ASAP2: variants seen among roughly 807,000 people sequenced by gnomAD.
ASAP2 encodes the protein arf-GAP with SH3 domain, ANK repeat and PH domain-containing protein 2.
In ASAP2, 45 loss-of-function variants were observed where a neutral mutation model predicts 131.4. That is an observed-to-expected ratio of 0.34 (90% CI 0.27 to 0.44). The LOEUF is 0.44. Among genes scored for constraint, ASAP2 ranks in the 20% least tolerant of loss-of-function variants. ASAP2 has a pLI of 1.00. For synonymous variants in ASAP2, 510 were observed against 503.0 expected, an observed-to-expected ratio of 1.01 and a Z score of -0.19; for missense variants, 1,011 against 1,297.0, an observed-to-expected ratio of 0.78 and a Z score of 3.39.
At chr2:9,387,759 T>G (rs1675393556) in intron 21 of ASAP2, among the ~76,000 whole-genome samples, 1 of 152,228 alleles carries the variant, frequency 6.6e-6, no homozygotes, top group Non-Finnish European at 1.5e-5. Flanking sequence ...ACTAGTCAGT[T>G]CTTACACTGC....
chr2:9,211,109 C>A (rs186597559), intron 1 of ASAP2, among the ~76,000 whole-genome samples: 3 of 151,056 alleles, frequency 2.0e-5, no homozygotes, highest in Admixed American at 6.6e-5. Context: ...GAGTCGAGAT[C>A]GTGCCATTGC....
rs539211394 is a variant in ASAP2, at chr2:9,320,815, G to C, written c.470+478G>C. Among the ~76,000 whole-genome samples, 4 of 152,248 alleles carry C rather than the reference G, an allele frequency of 2.6e-5. No homozygotes were observed. In the South Asian group the frequency reaches 8.3e-4, roughly 32 times the overall value. ...ATACCTGTCTCCTTCAGATTCATCT[G>C]CCAAAAAATAACCTGAAGAATGGAG... On this transcript the variant is annotated intron_variant, in intron 5 of 27. Transcript: ENST00000281419.
At chr2:9,284,030 A>G (rs573121779) in intron 2 of ASAP2, among the ~76,000 whole-genome samples, 6 of 152,320 alleles carry the variant, frequency 3.9e-5, no homozygotes, top group South Asian at 2.1e-4. Flanking sequence ...TCCCTCTTCT[A>G]CATATAAGGA....
At chr2:9,314,141 G>A (rs1041249651) in intron 3 of ASAP2, among the ~76,000 whole-genome samples, 5 of 152,068 alleles carry the variant, frequency 3.3e-5, no homozygotes, top group Admixed American at 2.6e-4. Flanking sequence ...GCGCCACCTC[G>A]CCTGGCTCAT....
At chr2:9,228,875 G>A (rs894805715) in intron 1 of ASAP2, among the ~76,000 whole-genome samples, 54 of 152,302 alleles carry the variant, frequency 3.5e-4, no homozygotes, top group African/African-American at 1.2e-3. Flanking sequence ...CAATAGTGAA[G>A]TGTGTTGATA....
intron 1 of ASAP2, among the ~76,000 whole-genome samples, chr2:9,242,138 T>C (rs947066319): frequency 6.6e-6 from 1 of 152,236 alleles, no homozygotes; most frequent in Non-Finnish European, 1.5e-5. Flanking sequence ...GTCTGTGCTC[T>C]GTGCTGGAAT....
Position 9,289,249 on chromosome 2 carries a change from G to A in ASAP2, c.200-8051G>A, listed in dbSNP as rs565808835. 1.1e-4 allele frequency among the ~76,000 whole-genome samples: 17 copies of A among 152,264 alleles called. No individual in the cohort carries two copies. In the East Asian group the frequency reaches 2.9e-3, roughly 26 times the overall value. On this transcript the variant is annotated intron_variant, in intron 2 of 27. Transcript: ENST00000281419. ...CTTCCCCATGCTCTGGACACACCAA[G>A]CGCCTTGAATTCCCCAGAGCTCATT...
intron 11 of ASAP2, among the ~76,000 whole-genome samples, chr2:9,345,592 G>A (rs993788647): frequency 6.6e-5 from 10 of 152,124 alleles, no homozygotes; most frequent in Admixed American, 2.0e-4. Context: ...GGCCGAGGTC[G>A]TTGCCTTTTT....
intron 1 of ASAP2, among the ~76,000 whole-genome samples, chr2:9,270,954 G>A (rs937728130): frequency 7.9e-5 from 12 of 151,456 alleles, no homozygotes; most frequent in South Asian, 4.2e-4. Context: ...CACTACGCCC[G>A]GCTAATTTTT....
intron 1 of ASAP2, among the ~76,000 whole-genome samples, chr2:9,239,939 A>G (rs974133820): frequency 6.6e-6 from 1 of 152,060 alleles, no homozygotes; most frequent in Non-Finnish European, 1.5e-5. Flanking sequence ...TGACTTTCCC[A>G]AGGCCTTGTA....
At chr2:9,370,117 C>T (rs1043952945) in intron 16 of ASAP2, among the ~76,000 whole-genome samples, 4 of 152,230 alleles carry the variant, frequency 2.6e-5, no homozygotes, top group Non-Finnish European at 4.4e-5. Flanking sequence ...GGATTACAGA[C>T]ATGAGCCACT....
chr2:9,328,019 T>G lies in ASAP2; in HGVS notation c.686+108T>G, dbSNP rs1444079699. 1.1e-5 allele frequency: 8 copies of G among 760,940 alleles called. No individual in the cohort carries two copies. The East Asian group carries it at 1.5e-4, about 15-fold the overall frequency. 47.1% of individuals were successfully genotyped at this position (760,940 alleles called of 1,614,324 possible). A position where few individuals can be genotyped will look rare whatever the true frequency, so the allele number is the denominator to read the frequency against. ...ATAAACACCACTTAGAAGTCTATAG[T>G]AAAGGGAATGAGGTGCTGACTCATG... On this transcript the variant is annotated intron_variant, in intron 7 of 27. Transcript: ENST00000281419.
rs60869426 is a variant in ASAP2 at position 9,302,122 on chromosome 2, CT to C, written c.345+4694del. On this transcript the variant is annotated intron_variant, in intron 3 of 27. Transcript: ENST00000281419. ...ACAGGCGTGAGCCACCGCGCCCGGC[CT>C]TTTTTTTTTTTTTTTTCCCAAACAC... Among the ~76,000 whole-genome samples, 478 of 103,384 alleles carry C rather than the reference CT, an allele frequency of 4.6e-3. 1 individual carries two copies. Among genetic ancestry groups the C allele is most frequent in the Middle Eastern group, 8.5e-3 (1 of 118 alleles). 67.8% of individuals were successfully genotyped at this position (103,384 alleles called of 152,430 possible).
chr2:9,224,380 TC>T (rs1662623538), intron 1 of ASAP2, among the ~76,000 whole-genome samples: 1 of 152,190 alleles, frequency 6.6e-6, no homozygotes, highest in Admixed American at 6.5e-5. Context: ...TCTCTTTGAA[TC>T]CCAACATGAT....
intron 3 of ASAP2, among the ~76,000 whole-genome samples, chr2:9,301,984 C>G (rs550801208): frequency 6.6e-6 from 1 of 151,874 alleles, no homozygotes; most frequent in Admixed American, 6.6e-5. Context: ...CCGCCATGCC[C>G]GGCTAGTTTT....
At chr2:9,298,251 C>A (rs1003543678) in intron 3 of ASAP2, among the ~76,000 whole-genome samples, 2 of 152,144 alleles carry the variant, frequency 1.3e-5, no homozygotes, top group African/African-American at 4.8e-5. Flanking sequence ...TTTTCGTGTC[C>A]TCTGTTAGGA....
At chr2:9,346,519 C>A (rs1166259758) in intron 11 of ASAP2, among the ~76,000 whole-genome samples, 1 of 151,998 alleles carries the variant, frequency 6.6e-6, no homozygotes, top group Non-Finnish European at 1.5e-5. Flanking sequence ...ATTTATCCAG[C>A]TATCACTGTC....
At position 9,207,071 on chromosome 2, in the gene ASAP2, T is replaced by G. The variant is rs956044797; in HGVS notation, c.-34T>G. ...GCGGCAGTTGAGGCGGCGGCGCCCCTGCGGCTGTGCGCCAGCGCCCTCGCG... is the reference window on the plus strand; with the variant it reads ...GCGGCAGTTGAGGCGGCGGCGCCCCGGCGGCTGTGCGCCAGCGCCCTCGCG... On this transcript the variant is annotated 5_prime_UTR_variant, in exon 1 of 28. Transcript: ENST00000281419. The surrounding 1 kb of genome is among the most constrained non-coding windows in gnomAD (Gnocchi z 4.1). 2.3e-5 allele frequency: 35 copies of G among 1,512,584 alleles called. No individual in the cohort carries two copies. The African/African-American group carries it at 4.2e-4, about 18-fold the overall frequency. The allele number at this position is 1,512,584 out of a possible 1,614,324, so 93.7% of individuals were successfully genotyped here. A position where few individuals can be genotyped will look rare whatever the true frequency, so the allele number is the denominator to read the frequency against.
In ASAP2 at chr2:9,380,749, T is replaced by A; in HGVS notation, c.1957T>A (p.Ser653Thr). ...TCGCCCTTGAATTTTAGCAAACGAG[T>A]CAGGAGAGACTCCGCTGGACATTGC... Reference protein sequence around the residue: ...GKASIEIANESGETPLDIAKR... With the variant: ...GKASIEIANETGETPLDIAKR... The change falls in exon 20 of 28, where the codon TCA (serine) becomes ACA (threonine). Residue 653 changes from serine (S) to threonine (T), a missense_variant. Physicochemically the swap from Ser to Thr is moderately conservative, Grantham distance 58. Transcript: ENST00000281419. 2 of 1,614,022 alleles carry A rather than the reference T, an allele frequency of 1.2e-6. No homozygotes were observed. The highest frequency in any genetic ancestry group is 1.7e-6 in the Non-Finnish European group (2 of 1,180,002).
Sources: allele counts gnomAD v4.1 joint callset (sites outside exome capture counted in the v4.1 genomes callset), GRCh38; gene constraint gnomAD v4.1.1; non-coding constraint Gnocchi (gnomAD v3.1); transcripts MANE v1.5; gene names NCBI Gene and HGNC (gene_info 2026-07-23, HGNC 2026-07-21).